Variants in E2F1 observed in about 807,000 individuals in gnomAD.
E2F1 encodes transcription factor E2F1.
In E2F1, 7 loss-of-function variants were observed where a neutral mutation model predicts 36.9. The observed-to-expected ratio is 0.19, with a 90% CI of 0.11 to 0.36. E2F1 has a LOEUF of 0.36. E2F1 is among the 10% of genes least tolerant of loss of function. E2F1 has a pLI of 1.00. For synonymous variants in E2F1, 261 were observed against 263.1 expected (o/e 0.99, Z 0.08); for missense variants, 406 against 573.6 (o/e 0.71, Z 2.99).
intron 1 of E2F1, among the ~76,000 whole-genome samples, chr20:33,681,404 G>T (rs756608523): frequency 6.6e-6 from 1 of 152,164 alleles, no homozygotes; most frequent in Non-Finnish European, 1.5e-5. Context: ...TAATCTATAC[G>T]CATGGTAGCA....
intron 1 of E2F1, among the ~76,000 whole-genome samples, chr20:33,684,043 G>A (rs3213153): frequency 2.6e-5 from 4 of 152,150 alleles, no homozygotes; most frequent in Admixed American, 2.6e-4. Flanking sequence ...CAGCCTCCTG[G>A]CCCTTAAGTA....
rs2018069388 is a variant in E2F1 at position 33,686,298 on chromosome 20, C to A, written c.-34G>T. ...CGGCCCGCGCGGCCCGGGTGACAGGCGGCGGCGGCGGCGCGGGCCCATGGC... is the reference window on the plus strand; with the variant it reads ...CGGCCCGCGCGGCCCGGGTGACAGGAGGCGGCGGCGGCGCGGGCCCATGGC... On this transcript the variant is annotated 5_prime_UTR_variant, in exon 1 of 7. Transcript: ENST00000343380. 1.0e-6 allele frequency: 1 copy of A among 993,638 alleles called. No homozygotes were observed. The highest frequency in any genetic ancestry group is 1.2e-6 in the Non-Finnish European group (1 of 835,942). 61.6% of individuals were successfully genotyped at this position (993,638 alleles called of 1,614,324 possible). A position where few individuals can be genotyped will look rare whatever the true frequency, so the allele number is the denominator to read the frequency against.
intron 4 of E2F1, 133 bp from the exon 5 acceptor site, chr20:33,677,673 A>G: frequency 3.2e-6 from 2 of 627,082 alleles, no homozygotes; most frequent in Non-Finnish European, 5.5e-6. Context: ...AACCTACCTC[A>G]CGCCTGAGTT....
intron 4 of E2F1, 127 bp from the exon 5 acceptor site, chr20:33,677,667 T>C (rs1026393007): frequency 1.1e-5 from 7 of 648,166 alleles, no homozygotes; most frequent in East Asian, 2.8e-5. Flanking sequence ...ACTCAAAACC[T>C]ACCTCACGCC....
chr20:33,676,383 A>G lies in E2F1; in HGVS notation c.*349T>C, dbSNP rs1373087801. Reference sequence around the variant, plus strand: ...CCCACGCGCACACATGGACTCATGCACACACATGTGGACACACTGGGGCGT... The same window carrying G: ...CCCACGCGCACACATGGACTCATGCGCACACATGTGGACACACTGGGGCGT... On this transcript the variant is annotated 3_prime_UTR_variant, in exon 7 of 7. Coordinates refer to ENST00000343380, the MANE Select transcript of E2F1 (RefSeq NM_005225.3). The G allele has an allele frequency of 1.5e-5, 3 of 206,178 alleles. No individual in the cohort carries two copies. 12.8% of individuals were successfully genotyped at this position (206,178 alleles called of 1,614,324 possible).
intron 1 of E2F1, among the ~76,000 whole-genome samples, chr20:33,684,751 G>A (rs1252280849): frequency 1.3e-5 from 2 of 152,152 alleles, no homozygotes; most frequent in Non-Finnish European, 1.5e-5. Context: ...CTGGGCATGG[G>A]GCCAAGGGGG....
chr20:33,680,097 C>T (rs1055865829), intron 2 of E2F1, 123 bp from the exon 3 acceptor site: 7 of 975,510 alleles, frequency 7.2e-6, no homozygotes, highest in African/African-American at 4.8e-5. Context: ...CCAGCTCCTT[C>T]CCCTTGGCGA....
rs557553542 is a variant in E2F1 at position 33,680,068 on chromosome 20, G to A, written c.353-94C>T. On this transcript the variant is annotated intron_variant, in intron 2 of 6. Coordinates refer to ENST00000343380, the MANE Select transcript of E2F1 (RefSeq NM_005225.3). ...CTCTGGCAGTGCAGGGCAGCAGGATGATGGGGGCTGGGGGACAGCCAGCTC... is the reference window on the plus strand; with the variant it reads ...CTCTGGCAGTGCAGGGCAGCAGGATAATGGGGGCTGGGGGACAGCCAGCTC... 8 of 1,147,568 alleles carry A rather than the reference G, an allele frequency of 7.0e-6. No individual in the cohort carries two copies. In the African/African-American group the frequency reaches 1.2e-4, roughly 18 times the overall value. The allele number at this position is 1,147,568 out of a possible 1,614,324, so 71.1% of individuals were successfully genotyped here. A position where few individuals can be genotyped will look rare whatever the true frequency, so the allele number is the denominator to read the frequency against.
In E2F1 at chr20:33,678,213, G is replaced by C. The variant is rs1217897911; in HGVS notation, c.713C>G (p.Thr238Ser). Residue 238 changes from threonine (T) to serine (S), a missense_variant, in exon 4 of 7, where the codon ACT becomes AGT. Thr to Ser is a moderately conservative substitution (Grantham distance 58, BLOSUM62 1). Coordinates refer to ENST00000343380, the MANE Select transcript of E2F1 (RefSeq NM_005225.3). ...AATCCAAGGATATCGCTGGCTGTCAGTGTCCTCGGAGAGCAGGCGCAGCTG... is the reference window on the plus strand; with the variant it reads ...AATCCAAGGATATCGCTGGCTGTCACTGTCCTCGGAGAGCAGGCGCAGCTG... ...TTQLRLLSED[T>S]DSQRLAYVTC... 6.2e-7 allele frequency: 1 copy of C among 1,612,622 alleles called. No individual in the cohort carries two copies. Among genetic ancestry groups the C allele is most frequent in the South Asian group, 1.1e-5 (1 of 90,982 alleles).
Position 33,686,211 on chromosome 20 carries a change from G to C in E2F1, c.54C>G (p.Ala18=). Residue 18 remains alanine (A), a synonymous_variant, in exon 1 of 7, where the codon GCC becomes GCG. Transcript: ENST00000343380. ...AGGPCAPALE[A]LLGAGALRLL... is the part of the protein sequence containing the mutation. ...GCCGCAGCGCGCCGGCCCCGAGCAG[G>C]GCCTCCAGCGCCGGCGCGCATGGGC... 1.9e-6 allele frequency: 2 copies of C among 1,035,680 alleles called. No individual in the cohort carries two copies. The highest frequency in any genetic ancestry group is 5.7e-5 in the Admixed American group (1 of 17,492). 64.2% of individuals were successfully genotyped at this position (1,035,680 alleles called of 1,614,324 possible). A position where few individuals can be genotyped will look rare whatever the true frequency, so the allele number is the denominator to read the frequency against.
In E2F1 at chr20:33,677,154, G is replaced by C. The variant is rs138360482; in HGVS notation, c.1017C>G (p.Pro339=). 2 of 1,614,082 alleles carry C rather than the reference G, an allele frequency of 1.2e-6. No individual in the cohort carries two copies. The highest frequency in any genetic ancestry group is 3.3e-5 in the Admixed American group (2 of 60,020). ...GGCTGGGATCTGTGGTGAGGGATGA[G>C]GGGGGAGATGATGGTGGTGGTGACA... ...TIVSPPPSSP[P]SSLTTDPSQS... The change falls in exon 6 of 7, where the codon CCC becomes CCG. Residue 339 remains proline, a synonymous_variant. Transcript: ENST00000343380.
chr20:33,683,405 G>A (rs2018034771), intron 1 of E2F1, among the ~76,000 whole-genome samples: 1 of 147,080 alleles, frequency 6.8e-6, no homozygotes, highest in South Asian at 2.2e-4. Flanking sequence ...GAGCCGAGAT[G>A]GCGCCACTGT....
At chr20:33,682,802 G>A (rs143620954) in intron 1 of E2F1, among the ~76,000 whole-genome samples, 9 of 152,280 alleles carry the variant, frequency 5.9e-5, no homozygotes, top group Non-Finnish European at 8.8e-5. Context: ...TGAACACCAC[G>A]CAGCTGTCAA....
intron 1 of E2F1, among the ~76,000 whole-genome samples, chr20:33,681,363 T>G (rs1048663894): frequency 2.0e-5 from 3 of 152,208 alleles, no homozygotes; most frequent in African/African-American, 7.2e-5. Context: ...ATAGGTCCCT[T>G]GGCTAAATCA....
At position 33,678,269 on chromosome 20, in the gene E2F1, C is replaced by T. The variant is rs2017984138; in HGVS notation, c.657G>A (p.Gln219=). 6.2e-7 allele frequency: 1 copy of T among 1,613,418 alleles called. No homozygotes were observed. Among genetic ancestry groups the T allele is most frequent in the East Asian group, 2.2e-5 (1 of 44,892 alleles). ...TACAGATATTCATCAGGTGGTCCAG[C>T]TGCTGCTCGCTCTCCTGCAGCTGTC... ...DLRQLQESEQ[Q]LDHLMNICTT... The change falls in exon 4 of 7, where the codon CAG becomes CAA. Residue 219 remains glutamine (Q), a synonymous_variant. Transcript: ENST00000343380.
intron 1 of E2F1, among the ~76,000 whole-genome samples, chr20:33,684,443 C>A (rs1001794744): frequency 4.6e-5 from 7 of 152,110 alleles, no homozygotes; most frequent in Non-Finnish European, 8.8e-5. Context: ...CCCCTAAAAG[C>A]CCTTCTTGCC....
Position 33,676,818 on chromosome 20 carries a change from C to T in E2F1, c.1228G>A (p.Asp410Asn), listed in dbSNP as rs760618502. ...CCCTCCTCGAGGCCGAAGTGGTAGT[C>T]GAGGGCCTCGTGGGGTGGGGAAAGG... is the stretch of plus-strand genomic sequence containing the variant. ...ISLSPPHEAL[D>N]YHFGLEEGEG... Residue 410 changes from aspartate to asparagine, a missense_variant, in exon 7 of 7, where the codon GAC (aspartate) becomes AAC (asparagine). Around this residue, in one of 5 missense-constraint regions of E2F1, gnomAD observed 163 missense variants for 181.5 expected, o/e 0.90. Transcript: ENST00000343380. 18 of 1,598,150 alleles carry T rather than the reference C, an allele frequency of 1.1e-5. No individual in the cohort carries two copies. Among genetic ancestry groups the T allele is most frequent in the Admixed American group, 1.7e-5 (1 of 58,266 alleles).
intron 2 of E2F1, 53 bp from the exon 3 acceptor site, chr20:33,680,027 C>T: frequency 1.4e-6 from 2 of 1,412,068 alleles, no homozygotes; most frequent in Non-Finnish European, 9.8e-7. Context: ...ACCCCCACCT[C>T]CAGCCAGGCC....
intron 1 of E2F1, among the ~76,000 whole-genome samples, chr20:33,682,279 AG>A (rs1488391604): frequency 1.3e-5 from 2 of 152,144 alleles, no homozygotes; most frequent in Non-Finnish European, 2.9e-5. Flanking sequence ...TGACTTTTGA[AG>A]GCACCCAGGG....
Sources: allele counts gnomAD v4.1 joint callset (sites outside exome capture counted in the v4.1 genomes callset), GRCh38; gene constraint gnomAD v4.1.1; regional missense constraint gnomAD v4.1.1; transcripts MANE v1.5; gene names NCBI Gene and HGNC (gene_info 2026-07-23, HGNC 2026-07-21).